The following NALF1 variants were observed in gnomAD, a reference collection of about 807,000 sequenced individuals.
NALF1 encodes the protein family with sequence similarity 155 member A.
In NALF1, 3 loss-of-function variants were observed where a neutral mutation model predicts 48.4. The observed-to-expected ratio is 0.06, with a 90% CI of 0.03 to 0.16. The LOEUF is 0.16. NALF1 is among the 10% of genes least tolerant of loss of function. NALF1 has a pLI of 1.00. For missense variants in NALF1, 526 were observed against 571.5 expected, an observed-to-expected ratio of 0.92 and a Z score of 0.81; for synonymous variants, 262 against 245.7, an observed-to-expected ratio of 1.07 and a Z score of -0.62.
At chr13:107,717,319 T>G (rs796982169) in intron 1 of NALF1, among the ~76,000 whole-genome samples, 6 of 152,334 alleles carry the variant, frequency 3.9e-5, no homozygotes, top group African/African-American at 1.4e-4. Context: ...ATCGGCAGCA[T>G]GAGTATCACG....
At chr13:107,595,729 T>C (rs778201907) in intron 1 of NALF1, among the ~76,000 whole-genome samples, 11 of 152,026 alleles carry the variant, frequency 7.2e-5, no homozygotes, top group Non-Finnish European at 1.6e-4. Flanking sequence ...TGACCATGAG[T>C]GATGGAAAAG....
At chr13:107,715,758 C>T (rs1875796125) in intron 1 of NALF1, among the ~76,000 whole-genome samples, 1 of 152,204 alleles carries the variant, frequency 6.6e-6, no homozygotes, top group African/African-American at 2.4e-5. Flanking sequence ...CACGTCTTTA[C>T]ACTTGCCAAT....
intron 1 of NALF1, among the ~76,000 whole-genome samples, chr13:107,469,207 C>A (rs995390399): frequency 6.6e-6 from 1 of 152,010 alleles, no homozygotes; most frequent in African/African-American, 2.4e-5. Context: ...TATTTTAGAG[C>A]GCATTTATTA....
At chr13:107,357,292 A>C (rs1252238479) in intron 1 of NALF1, among the ~76,000 whole-genome samples, 2 of 152,152 alleles carry the variant, frequency 1.3e-5, no homozygotes, top group African/African-American at 2.4e-5. Flanking sequence ...CAAAGGGGGA[A>C]GAGTCCCTTA....
intron 1 of NALF1, among the ~76,000 whole-genome samples, chr13:107,220,294 C>CA (rs1879962283): frequency 6.6e-6 from 1 of 152,182 alleles, no homozygotes; most frequent in African/African-American, 2.4e-5. Flanking sequence ...GGTATGAATG[C>CA]AAACCCCTTT....
intron 1 of NALF1, among the ~76,000 whole-genome samples, chr13:107,538,151 C>T (rs77240730): frequency 9.5e-4 from 145 of 152,280 alleles, no homozygotes; most frequent in Non-Finnish European, 1.8e-3. Context: ...TTGAAGACCA[C>T]AATTGACTTT....
At chr13:107,842,306 C>A (rs1312463880) in intron 1 of NALF1, among the ~76,000 whole-genome samples, 1 of 151,738 alleles carries the variant, frequency 6.6e-6, no homozygotes, top group Non-Finnish European at 1.5e-5. Context: ...TGAGAGAAAT[C>A]AAATTATTTG....
chr13:107,535,624 T>C (rs1244727489), intron 1 of NALF1, among the ~76,000 whole-genome samples: 1 of 152,148 alleles, frequency 6.6e-6, no homozygotes, highest in Non-Finnish European at 1.5e-5. Flanking sequence ...ATATGAAGAA[T>C]CAATATTGTG....
chr13:107,488,199 CT>C (rs948527022), intron 1 of NALF1, among the ~76,000 whole-genome samples: 9 of 145,808 alleles, frequency 6.2e-5, no homozygotes, highest in South Asian at 4.3e-4. Context: ...ATTTTATTAA[CT>C]TTTTTTTCAA....
chr13:107,492,907 T>G (rs557120583), intron 1 of NALF1, among the ~76,000 whole-genome samples: 17 of 152,282 alleles, frequency 1.1e-4, no homozygotes, highest in African/African-American at 3.6e-4. Context: ...TGTAATGACT[T>G]CACAGGGATA....
intron 1 of NALF1, among the ~76,000 whole-genome samples, chr13:107,725,576 A>G (rs540858426): frequency 1.4e-3 from 207 of 152,044 alleles, no homozygotes; most frequent in Non-Finnish European, 2.4e-3. Context: ...CTGGGCGCAG[A>G]GGCGCACGCC....
At chr13:107,444,099 A>G (rs1884609863) in intron 1 of NALF1, among the ~76,000 whole-genome samples, 1 of 152,178 alleles carries the variant, frequency 6.6e-6, no homozygotes, top group African/African-American at 2.4e-5. Flanking sequence ...TGACAGAATA[A>G]CCACAAAAAT....
At chr13:107,782,271 C>G (rs888211427) in intron 1 of NALF1, among the ~76,000 whole-genome samples, 1 of 152,226 alleles carries the variant, frequency 6.6e-6, no homozygotes, top group South Asian at 2.1e-4. Context: ...GCAGGGCTGG[C>G]TTCCAGCTCC....
Position 107,372,805 on chromosome 13 carries a change from G to C in NALF1, c.916-162050C>G, listed in dbSNP as rs182746585. Among the ~76,000 whole-genome samples, 104 of 152,234 alleles carry C rather than the reference G, an allele frequency of 6.8e-4. 1 individual carries two copies. In the Middle Eastern group the frequency reaches 0.014, roughly 20 times the overall value. On this transcript the variant is annotated intron_variant, in intron 1 of 2. Transcript: ENST00000375915. Reference sequence around the variant, plus strand: ...CATCATGAAGGTTTAGATATCAAAGGTCCCAAGAAACTCTTAAGAAAATCT... The same window carrying C: ...CATCATGAAGGTTTAGATATCAAAGCTCCCAAGAAACTCTTAAGAAAATCT...
chr13:107,629,978 C>T (rs951930405), intron 1 of NALF1, among the ~76,000 whole-genome samples: 3 of 152,020 alleles, frequency 2.0e-5, no homozygotes, highest in Admixed American at 6.6e-5. Flanking sequence ...TCTAAAATAT[C>T]GATCATTCAT....
At chr13:107,557,900 C>G (rs1300555635) in intron 1 of NALF1, among the ~76,000 whole-genome samples, 1 of 152,110 alleles carries the variant, frequency 6.6e-6, no homozygotes, top group African/African-American at 2.4e-5. Context: ...CAAGTTTTAT[C>G]AAAAATGCCT....
chr13:107,744,598 G>C (rs1260728897), intron 1 of NALF1, among the ~76,000 whole-genome samples: 1 of 152,148 alleles, frequency 6.6e-6, no homozygotes. Context: ...TGTGATTTAC[G>C]CTCCTTCCTC....
intron 1 of NALF1, among the ~76,000 whole-genome samples, chr13:107,241,695 G>C (rs1880474818): frequency 6.6e-6 from 1 of 152,170 alleles, no homozygotes; most frequent in South Asian, 2.1e-4. Flanking sequence ...AGAAAGCCTG[G>C]CACAGATTTT....
chr13:107,591,361 T>C (rs1178446680), intron 1 of NALF1, among the ~76,000 whole-genome samples: 1 of 152,008 alleles, frequency 6.6e-6, no homozygotes, highest in Non-Finnish European at 1.5e-5. Context: ...TCATTCAGCA[T>C]TGAGACTTCT....
Sources: allele counts gnomAD v4.1 joint callset (sites outside exome capture counted in the v4.1 genomes callset), GRCh38; gene constraint gnomAD v4.1.1; transcripts MANE v1.5; gene names NCBI Gene and HGNC (gene_info 2026-07-23, HGNC 2026-07-21).